Variants in PLAGL1 observed in about 807,000 individuals in gnomAD.
The protein encoded by PLAGL1 is PLAG1 like zinc finger 1.
PLAGL1 carries 1 observed loss-of-function variant against 4.6 expected under a neutral mutation model. That is an observed-to-expected ratio of 0.22 (90% CI 0.08 to 1.03). PLAGL1 has a LOEUF of 1.03. Among genes scored for constraint, PLAGL1 ranks in the 50% least tolerant of loss-of-function variants. The pLI, the probability that PLAGL1 is intolerant of heterozygous loss-of-function variation, is 0.58. For missense variants in PLAGL1, 464 were observed against 570.4 expected, an observed-to-expected ratio of 0.81 and a Z score of 1.90; for synonymous variants, 240 against 237.8, an observed-to-expected ratio of 1.01 and a Z score of -0.08.
chr6:143,998,374 A>C (rs1211251096), intron 1 of PLAGL1, among the ~76,000 whole-genome samples: 1 of 152,242 alleles, frequency 6.6e-6, no homozygotes, highest in Non-Finnish European at 1.5e-5. Context: ...GGCATAGAAG[A>C]AAGAGCAAGA....
At chr6:144,030,225 A>G in intron 1 of PLAGL1, among the ~76,000 whole-genome samples, 1 of 127,416 alleles carries the variant, frequency 7.8e-6, no homozygotes, top group South Asian at 2.8e-4. Flanking sequence ...ACTGCACTCC[A>G]GCCTGGGTGA....
chr6:144,021,958 G>A (rs185248215), intron 1 of PLAGL1, among the ~76,000 whole-genome samples: 2 of 152,246 alleles, frequency 1.3e-5, no homozygotes, highest in African/African-American at 4.8e-5. Flanking sequence ...AGGCAACCCA[G>A]AAAGGCTGAC....
At chr6:143,974,396 GC>G (rs767266167) in intron 2 of PLAGL1, among the ~76,000 whole-genome samples, 155 of 129,742 alleles carry the variant, frequency 1.2e-3, no homozygotes, top group Non-Finnish European at 2.2e-3. Context: ...TGGTGGGGTT[GC>G]GGGGGAGGTC....
rs1428112035 is a variant in PLAGL1, at chr6:144,022,643, G to GT, written c.-151+41824dup. ...ATGCTGTTCTCACAATAGTGAATAA[G>GT]TTTCACCAGATCTGATGGTTTTATG... On this transcript the variant is annotated intron_variant, in intron 1 of 3. Transcript: ENST00000437412. The surrounding 1 kb of genome is among the most constrained non-coding windows in gnomAD (Gnocchi z 4.2). Among the ~76,000 whole-genome samples, 5 of 152,160 alleles carry GT rather than the reference G, an allele frequency of 3.3e-5. No individual in the cohort carries two copies. The highest frequency in any genetic ancestry group is 1.2e-4 in the African/African-American group (5 of 41,436).
At position 144,055,372 on chromosome 6, in the gene PLAGL1, T is replaced by C. The variant is rs1262930938; in HGVS notation, c.-151+9096A>G. The stretch of plus-strand genomic sequence containing the variant: ...CCACCATGACTTGCTGTGCTTGTTA[T>C]ACAAAACCACACTGGCATTCTTTAA... On this transcript the variant is annotated intron_variant, in intron 1 of 3. Coordinates refer to the PLAGL1 transcript ENST00000437412. The surrounding 1 kb of genome is among the most constrained non-coding windows in gnomAD (Gnocchi z 5.0). Among the ~76,000 whole-genome samples the C allele has an allele frequency of 6.6e-6, 1 of 152,224 alleles. No individual in the cohort carries two copies. The highest frequency in any genetic ancestry group is 2.4e-5 in the African/African-American group (1 of 41,452).
chr6:143,999,394 C>G (rs1403810738), intron 1 of PLAGL1, among the ~76,000 whole-genome samples: 3 of 152,116 alleles, frequency 2.0e-5, no homozygotes. Context: ...TCCAAATATT[C>G]CAAATATGGA....
chr6:144,023,562 T>A (rs932102701), intron 1 of PLAGL1, among the ~76,000 whole-genome samples: 7 of 152,146 alleles, frequency 4.6e-5, no homozygotes, highest in Admixed American at 2.0e-4. Context: ...CTCTAATTGA[T>A]AAAGTTGTTT....
At position 144,042,472 on chromosome 6, in the gene PLAGL1, C is replaced by A. The variant is rs60310896; in HGVS notation, c.-151+21996G>T. ...TTGTTTTTGTCAGGTTTGTCAAAGA[C>A]CAGATGGTTGTAGATGTGTGCTGTT... On this transcript the variant is annotated intron_variant, in intron 1 of 3. Coordinates refer to the PLAGL1 transcript ENST00000437412. Among the ~76,000 whole-genome samples the A allele has an allele frequency of 8.7e-3, 1,331 of 152,142 alleles. 27 individuals are homozygous for A. The highest frequency in any genetic ancestry group is 0.03 in the African/African-American group (1,241 of 41,526).
At chr6:144,020,350 C>A (rs1351600814) in intron 1 of PLAGL1, among the ~76,000 whole-genome samples, 1 of 152,100 alleles carries the variant, frequency 6.6e-6, no homozygotes, top group African/African-American at 2.4e-5. Context: ...TGCAATGGTG[C>A]AATCTCGGCT....
In PLAGL1 at chr6:144,027,145, G is replaced by T. The variant is rs769062065; in HGVS notation, c.-151+37323C>A. 6.6e-6 allele frequency among the ~76,000 whole-genome samples: 1 copy of T among 151,752 alleles called. No individual in the cohort carries two copies. Among genetic ancestry groups the T allele is most frequent in the Non-Finnish European group, 1.5e-5 (1 of 67,964 alleles). On this transcript the variant is annotated intron_variant, in intron 1 of 3. Coordinates refer to the PLAGL1 transcript ENST00000437412. This position sits in a 1 kb window ranked among gnomAD's most constrained non-coding sequence, Gnocchi z 5.8. ...AGGCTGAGGTGGGAGGATCACCTGA[G>T]CCCACGAGTTTGAGGCTGTGGAGAG...
rs1185507384 is a variant in PLAGL1 at position 143,954,539 on chromosome 6, G to T, written c.-325+5930C>A. ...CCATGAGGCAGCCTCTTATAACTCA[G>T]CTAATATAATCCAGAGACTAACATT... On this transcript the variant is annotated intron_variant, in intron 6 of 7. Transcript: ENST00000674357. This position sits in a 1 kb window ranked among gnomAD's most constrained non-coding sequence, Gnocchi z 5.1. Among the ~76,000 whole-genome samples the T allele has an allele frequency of 1.3e-5, 2 of 152,118 alleles. No homozygotes were observed. The highest frequency in any genetic ancestry group is 4.8e-5 in the African/African-American group (2 of 41,408).
At chr6:143,992,172 T>C (rs1790623804) in intron 1 of PLAGL1, among the ~76,000 whole-genome samples, 1 of 152,224 alleles carries the variant, frequency 6.6e-6, no homozygotes, top group Non-Finnish European at 1.5e-5. Context: ...TCTACCCCCG[T>C]ATAGTTAGGA....
At chr6:143,999,796 CTTA>C (rs1792441203) in intron 1 of PLAGL1, among the ~76,000 whole-genome samples, 1 of 152,138 alleles carries the variant, frequency 6.6e-6, no homozygotes, top group African/African-American at 2.4e-5. Flanking sequence ...AATTAATTTA[CTTA>C]TTATGATAAT....
At chr6:144,035,971 TGGA>T (rs1797206038) in intron 1 of PLAGL1, among the ~76,000 whole-genome samples, 1 of 151,846 alleles carries the variant, frequency 6.6e-6, no homozygotes, top group South Asian at 2.1e-4. Context: ...TTTAAGGAGG[TGGA>T]GGAGCAGGGG....
At position 143,962,798 on chromosome 6, in the gene PLAGL1, C is replaced by T. The variant is rs1038361817; in HGVS notation, c.-399+1989G>A. Among the ~76,000 whole-genome samples, 2 of 152,186 alleles carry T rather than the reference C, an allele frequency of 1.3e-5. No individual in the cohort carries two copies. The highest frequency in any genetic ancestry group is 2.9e-5 in the Non-Finnish European group (2 of 68,024). ...ATTCTCCAAACTGACTTTTTTATTT[C>T]TAATGATTTGAGTGGGAAAGAATTG... On this transcript the variant is annotated intron_variant, in intron 5 of 7. Coordinates refer to ENST00000674357, the MANE Select transcript of PLAGL1 (RefSeq NM_001317162.2). This position sits in a 1 kb window ranked among gnomAD's most constrained non-coding sequence, Gnocchi z 5.3.
Position 143,949,305 on chromosome 6 carries a change from C to T in PLAGL1, c.-324-845G>A, listed in dbSNP as rs933631751. Among the ~76,000 whole-genome samples, 1 of 152,168 alleles carries T rather than the reference C, an allele frequency of 6.6e-6. No homozygotes were observed. Among genetic ancestry groups the T allele is most frequent in the African/African-American group, 2.4e-5 (1 of 41,422 alleles). ...ATCATCCTTCTGACTCAGCCAGAGT[C>T]ACCAAAAACCAGGTTCTTCTTTTTC... On this transcript the variant is annotated intron_variant, in intron 6 of 7. Coordinates refer to ENST00000674357, the MANE Select transcript of PLAGL1 (RefSeq NM_001317162.2). The surrounding 1 kb of genome is among the most constrained non-coding windows in gnomAD (Gnocchi z 5.3).
chr6:143,967,316 T>C (rs917386202), intron 3 of PLAGL1: 1 of 152,186 alleles, frequency 6.6e-6, no homozygotes, highest in African/African-American at 2.4e-5. Flanking sequence ...AGGGCCAATT[T>C]TACACGATGG....
upstream of PLAGL1, chr6:144,008,318 AT>A (rs1274094871): frequency 3.3e-5 from 5 of 151,852 alleles, no homozygotes; most frequent in African/African-American, 1.2e-4. The surrounding 1 kb of genome is among the most constrained non-coding windows in gnomAD (Gnocchi z 6.9). Flanking sequence ...GACGGGCTGA[AT>A]GACAAATGGC....
rs529567619 is a variant in PLAGL1, at chr6:144,064,164, G to C, written c.-151+304C>G. Reference sequence around the variant, plus strand: ...GTTCAGCTCCCACGTCACCCGGCCCGCCCTCCGCCCAGCGCAGAAGCGAAG... The same window carrying C: ...GTTCAGCTCCCACGTCACCCGGCCCCCCCTCCGCCCAGCGCAGAAGCGAAG... On this transcript the variant is annotated intron_variant, in intron 1 of 3. Coordinates refer to the PLAGL1 transcript ENST00000437412. The surrounding 1 kb of genome is among the most constrained non-coding windows in gnomAD (Gnocchi z 6.8). 6.6e-6 allele frequency among the ~76,000 whole-genome samples: 1 copy of C among 152,118 alleles called. No homozygotes were observed. Among genetic ancestry groups the C allele is most frequent in the South Asian group, 2.1e-4 (1 of 4,820 alleles).
Sources: allele counts gnomAD v4.1 joint callset (sites outside exome capture counted in the v4.1 genomes callset), GRCh38; gene constraint gnomAD v4.1.1; non-coding constraint Gnocchi (gnomAD v3.1); transcripts MANE v1.5; gene names NCBI Gene and HGNC (gene_info 2026-07-23, HGNC 2026-07-21).